Variants in ZNF18 observed in about 807,000 individuals in gnomAD.
The protein encoded by ZNF18 is zinc finger protein 18.
ZNF18 carries 42 observed loss-of-function variants against 58.1 expected under a neutral mutation model. The observed-to-expected ratio is 0.72, with a 90% CI of 0.56 to 0.93. The LOEUF (loss-of-function observed/expected upper bound fraction) is 0.93, where lower values mean the gene tolerates loss of function less well. Among genes scored for constraint, ZNF18 ranks in the 40% least tolerant of loss-of-function variants. ZNF18 has a pLI of 0.00. For synonymous variants in ZNF18, 231 were observed against 239.8 expected, an observed-to-expected ratio of 0.96 and a Z score of 0.34; for missense variants, 540 against 644.2, an observed-to-expected ratio of 0.84 and a Z score of 1.75.
At chr17:12,011,234 T>A in the ZNF18 span, 1 of 487,488 alleles carries the variant, frequency 2.1e-6, no homozygotes. Flanking sequence ...TTTTGGTGAA[T>A]TACTGGAAGA....
chr17:11,995,769 G>C (rs1225369377), intron 1 of ZNF18: 1 of 150,872 alleles, frequency 6.6e-6, no homozygotes, highest in East Asian at 1.9e-4. Context: ...CAGAACACTA[G>C]ACCCAAGAAC....
chr17:12,020,626 T>C, the ZNF18 span, among the ~76,000 whole-genome samples: 16 of 152,136 alleles, frequency 1.1e-4, no homozygotes, highest in Non-Finnish European at 2.2e-4. Context: ...TGCAAACCAC[T>C]TTAGGCCCCG....
At chr17:12,016,710 T>C in the ZNF18 span, among the ~76,000 whole-genome samples, 2 of 152,114 alleles carry the variant, frequency 1.3e-5, no homozygotes, top group Non-Finnish European at 2.9e-5. Context: ...TCTTGCAGAA[T>C]AGAATCCTAT....
the ZNF18 span, chr17:12,020,954 C>T: frequency 6.6e-6 from 8 of 1,216,748 alleles, no homozygotes; most frequent in Non-Finnish European, 8.2e-6. Flanking sequence ...ACCCCCGGCC[C>T]CGTAGGGTCC....
intron 4 of ZNF18, among the ~76,000 whole-genome samples, chr17:11,986,955 A>C (rs1391081631): frequency 6.6e-6 from 1 of 152,212 alleles, no homozygotes; most frequent in African/African-American, 2.4e-5. Context: ...CCTCCAGCTT[A>C]AAAACACAAA....
chr17:12,004,486 T>C, the ZNF18 span, among the ~76,000 whole-genome samples: 1 of 152,208 alleles, frequency 6.6e-6, no homozygotes, highest in African/African-American at 2.4e-5. Flanking sequence ...GTTACACTTC[T>C]AACTTGAGTC....
chr17:12,005,883 C>G, the ZNF18 span, among the ~76,000 whole-genome samples: 1 of 152,072 alleles, frequency 6.6e-6, no homozygotes. Flanking sequence ...CATATACAAA[C>G]AGTGGCTACA....
In ZNF18 at chr17:11,983,229, T is replaced by C. The variant is rs558305829; in HGVS notation, c.862+68A>G. On this transcript the variant is annotated intron_variant, in intron 6 of 6. Transcript: ENST00000580306. ...GCCTCCCCTGACCTCCTTCACCACC[T>C]CCCCAATCACCTCCAATTTAATGAC... 1.1e-5 allele frequency: 14 copies of C among 1,240,222 alleles called. No individual in the cohort carries two copies. In the African/African-American group the frequency reaches 1.8e-4, roughly 16 times the overall value. 76.8% of individuals were successfully genotyped at this position (1,240,222 alleles called of 1,614,324 possible).
chr17:12,012,085 G>A, the ZNF18 span, among the ~76,000 whole-genome samples: 5 of 152,284 alleles, frequency 3.3e-5, no homozygotes, highest in Admixed American at 3.3e-4. Context: ...ATAATGTAAA[G>A]TGTCCCTCTC....
chr17:12,015,660 ATATCTC>A, the ZNF18 span, among the ~76,000 whole-genome samples: 1 of 152,200 alleles, frequency 6.6e-6, no homozygotes, highest in Non-Finnish European at 1.5e-5. Context: ...TTGTTTTAGC[ATATCTC>A]TATCCATCTT....
chr17:12,006,637 G>A, the ZNF18 span, among the ~76,000 whole-genome samples: 1 of 152,132 alleles, frequency 6.6e-6, no homozygotes, highest in Non-Finnish European at 1.5e-5. Flanking sequence ...TGTGGACCCT[G>A]CTACTTGGGA....
intron 3 of ZNF18, 113 bp downstream of exon 3, chr17:11,990,861 C>G: frequency 8.0e-7 from 1 of 1,246,724 alleles, no homozygotes; most frequent in Non-Finnish European, 1.1e-6. Context: ...AACCTGTTTG[C>G]AAACCTCTCA....
chr17:12,017,839 T>G, the ZNF18 span, among the ~76,000 whole-genome samples: 1 of 151,344 alleles, frequency 6.6e-6, no homozygotes, highest in South Asian at 2.1e-4. Context: ...ATCGCGCCAT[T>G]GCACTCCAGC....
At chr17:12,013,459 C>G in the ZNF18 span, among the ~76,000 whole-genome samples, 1 of 152,182 alleles carries the variant, frequency 6.6e-6, no homozygotes, top group Non-Finnish European at 1.5e-5. Context: ...TTCTTTAATA[C>G]TAAGATTTTT....
At chr17:11,979,684 A>T (rs1967211826) in intron 6 of ZNF18, among the ~76,000 whole-genome samples, 1 of 152,132 alleles carries the variant, frequency 6.6e-6, no homozygotes, top group Admixed American at 6.5e-5. Context: ...TTCACATATT[A>T]GTGTCTTTTC....
the ZNF18 span, among the ~76,000 whole-genome samples, chr17:12,004,902 A>AG: frequency 6.6e-6 from 1 of 151,054 alleles, no homozygotes; most frequent in African/African-American, 2.4e-5. Flanking sequence ...AAAAAAAAAA[A>AG]AAAAGAAAAG....
Position 11,991,023 on chromosome 17 carries a change from C to T in ZNF18, c.528G>A (p.Glu176=), listed in dbSNP as rs773336393. 1 of 1,614,174 alleles carries T rather than the reference C, an allele frequency of 6.2e-7. No individual in the cohort carries two copies. Among genetic ancestry groups the T allele is most frequent in the Non-Finnish European group, 8.5e-7 (1 of 1,180,028 alleles). ...GLENSSSGPG[E]LLSHIVKEES... is the part of the protein sequence containing the mutation. ...CCTCTTTCACGATGTGGCTCAGAAGCTCCCCAGGCCCTGAGGATGAATTCT... is the reference window on the plus strand; with the variant it reads ...CCTCTTTCACGATGTGGCTCAGAAGTTCCCCAGGCCCTGAGGATGAATTCT... The change falls in exon 3 of 7, where the codon GAG becomes GAA. Residue 176 remains glutamate, a synonymous_variant. Transcript: ENST00000580306.
chr17:11,995,251 A>T (rs1042917182), intron 1 of ZNF18, among the ~76,000 whole-genome samples: 1 of 122,950 alleles, frequency 8.1e-6, no homozygotes, highest in Non-Finnish European at 1.8e-5. Context: ...TCTACTAAAA[A>T]TACAAAAATT....
upstream of ZNF18, among the ~76,000 whole-genome samples, chr17:11,998,098 T>C (rs1394471364): frequency 6.6e-6 from 1 of 152,010 alleles, no homozygotes; most frequent in Non-Finnish European, 1.5e-5. Flanking sequence ...GACTCTTCCC[T>C]TCTCCTTCCC....
Sources: gnomAD v4.1 joint callset for allele counts (sites outside exome capture counted in the v4.1 genomes callset) on GRCh38, gnomAD v4.1.1 for gene constraint, MANE v1.5 for transcripts, NCBI Gene and HGNC (gene_info 2026-07-23, HGNC 2026-07-21) for gene names.